BBS9: variants seen among roughly 807,000 people sequenced by gnomAD.
BBS9 encodes protein PTHB1.
BBS9 carries 89 observed loss-of-function variants against 117.7 expected under a neutral mutation model. The ratio of observed to expected loss-of-function variants is 0.76; its 90% CI spans 0.64 to 0.90. The LOEUF is 0.90. BBS9 is among the 40% of genes least tolerant of loss of function. The pLI is 0.00. For synonymous variants in BBS9, 379 were observed against 370.9 expected (o/e 1.02, Z -0.25); for missense variants, 982 against 1,042.2 (o/e 0.94, Z 0.80).
intron 3 of BBS9, among the ~76,000 whole-genome samples, chr7:33,154,042 G>C (rs1328208251): frequency 1.3e-5 from 2 of 152,298 alleles, no homozygotes; most frequent in East Asian, 3.9e-4. Flanking sequence ...GCTCACATTG[G>C]AAGGGGAGGA....
At chr7:33,259,848 A>T (rs1187797837) in intron 6 of BBS9, among the ~76,000 whole-genome samples, 1 of 146,294 alleles carries the variant, frequency 6.8e-6, no homozygotes. Context: ...TCTCCTTCCC[A>T]TTCCCATTGG....
intron 19 of BBS9, among the ~76,000 whole-genome samples, chr7:33,433,519 T>G (rs1035604979): frequency 2.0e-5 from 3 of 152,204 alleles, no homozygotes; most frequent in Non-Finnish European, 4.4e-5. Flanking sequence ...TTCCATCAGC[T>G]TATAACATCA....
intron 2 of BBS9, among the ~76,000 whole-genome samples, chr7:33,151,262 A>C (rs557895184): frequency 6.6e-6 from 1 of 152,288 alleles, no homozygotes; most frequent in African/African-American, 2.4e-5. Context: ...AAAGGAAAAA[A>C]AAAAAGAAGA....
intron 21 of BBS9, among the ~76,000 whole-genome samples, chr7:33,617,981 G>A (rs1403123131): frequency 6.6e-6 from 1 of 152,146 alleles, no homozygotes; most frequent in Non-Finnish European, 1.5e-5. Flanking sequence ...AACAAAGGCT[G>A]TGGGAGTTCA....
intron 5 of BBS9, among the ~76,000 whole-genome samples, chr7:33,199,421 T>C (rs1785469158): frequency 6.6e-6 from 1 of 151,942 alleles, no homozygotes; most frequent in South Asian, 2.1e-4. Flanking sequence ...TAACTGGCAA[T>C]AGCTATGTTT....
chr7:33,393,627 A>G (rs904005071), intron 19 of BBS9, among the ~76,000 whole-genome samples: 2 of 152,114 alleles, frequency 1.3e-5, no homozygotes, highest in Non-Finnish European at 2.9e-5. Context: ...CCCAAATCAC[A>G]TGTAGGCCTT....
intron 19 of BBS9, among the ~76,000 whole-genome samples, chr7:33,458,876 C>T (rs1839034487): frequency 6.6e-6 from 1 of 152,126 alleles, no homozygotes; most frequent in African/African-American, 2.4e-5. Flanking sequence ...CTGTAGCACC[C>T]TCCTTATTTG....
intron 4 of BBS9, among the ~76,000 whole-genome samples, chr7:33,158,723 A>T (rs1010387873): frequency 1.3e-5 from 2 of 152,148 alleles, no homozygotes; most frequent in Non-Finnish European, 2.9e-5. Context: ...GCAGGCATGT[A>T]TAGGTGCTTT....
At chr7:33,361,746 G>A (rs1194525052) in intron 16 of BBS9, among the ~76,000 whole-genome samples, 4 of 151,194 alleles carry the variant, frequency 2.6e-5, no homozygotes, top group East Asian at 1.9e-4. Flanking sequence ...TACTTTCTTC[G>A]TAGTTTCAGG....
intron 20 of BBS9, among the ~76,000 whole-genome samples, chr7:33,533,201 G>A (rs1850850544): frequency 6.6e-6 from 1 of 152,154 alleles, no homozygotes; most frequent in Non-Finnish European, 1.5e-5. Flanking sequence ...TGGTGCCAGT[G>A]CTCTCCATGA....
intron 21 of BBS9, among the ~76,000 whole-genome samples, chr7:33,621,420 G>C (rs765693130): frequency 1.3e-5 from 2 of 152,114 alleles, no homozygotes; most frequent in Non-Finnish European, 2.9e-5. Flanking sequence ...CATACAGATG[G>C]CCAACAGGTA....
chr7:33,546,747 C>T lies in BBS9; in HGVS notation c.2521+12571C>T, dbSNP rs10229540. Among the ~76,000 whole-genome samples, 338 of 152,278 alleles carry T rather than the reference C, an allele frequency of 2.2e-3. 1 individual carries two copies. The highest frequency in any genetic ancestry group is 7.7e-3 in the African/African-American group (320 of 41,568). On this transcript the variant is annotated intron_variant, in intron 21 of 22. Transcript: ENST00000242067. ...TAAAATTACCACTAATTTCTGAAGA[C>T]CCAGCTGAAATGATGTTCCACAACG...
chr7:33,363,273 T>G (rs979331225), intron 16 of BBS9, among the ~76,000 whole-genome samples: 2 of 152,080 alleles, frequency 1.3e-5, no homozygotes, highest in African/African-American at 4.8e-5. Context: ...TGGCTAATTT[T>G]TGTATTTTTA....
chr7:33,504,087 TG>T (rs766907989), intron 19 of BBS9, among the ~76,000 whole-genome samples: 20 of 152,222 alleles, frequency 1.3e-4, no homozygotes, highest in Non-Finnish European at 2.5e-4. Context: ...TATAAGATCC[TG>T]TGGACTGTAA....
chr7:33,517,865 T>A (rs55819002), intron 20 of BBS9, among the ~76,000 whole-genome samples: 1 of 152,148 alleles, frequency 6.6e-6, no homozygotes, highest in African/African-American at 2.4e-5. Flanking sequence ...TCATACTGAA[T>A]TTTTACTCTT....
At chr7:33,534,874 C>T (rs1162108033) in intron 21 of BBS9, among the ~76,000 whole-genome samples, 2 of 152,200 alleles carry the variant, frequency 1.3e-5, no homozygotes, top group African/African-American at 2.4e-5. Flanking sequence ...AGGAGCATTA[C>T]ATCAATGAAT....
At chr7:33,217,732 G>A (rs1789356144) in intron 5 of BBS9, among the ~76,000 whole-genome samples, 1 of 152,182 alleles carries the variant, frequency 6.6e-6, no homozygotes, top group African/African-American at 2.4e-5. Flanking sequence ...GCATGGACTG[G>A]AAACCATGTT....
chr7:33,348,817 T>C (rs191057867), intron 12 of BBS9, among the ~76,000 whole-genome samples: 89 of 152,322 alleles, frequency 5.8e-4, no homozygotes, highest in Non-Finnish European at 1.3e-4. Context: ...TAACTAAGGA[T>C]ATTGAGCATC....
chr7:33,501,905 T>C (rs1321257924), intron 19 of BBS9, among the ~76,000 whole-genome samples: 2 of 150,616 alleles, frequency 1.3e-5, no homozygotes, highest in Non-Finnish European at 3.0e-5. Flanking sequence ...ACTGGACTTA[T>C]TCAATATCTA....
Sources: allele counts gnomAD v4.1 joint callset (sites outside exome capture counted in the v4.1 genomes callset), GRCh38; gene constraint gnomAD v4.1.1; transcripts MANE v1.5; gene names NCBI Gene and HGNC (gene_info 2026-07-23, HGNC 2026-07-21).